ASCC3: variants seen among roughly 807,000 people sequenced by gnomAD.
ASCC3 encodes activating signal cointegrator 1 complex subunit 3.
ASCC3 carries 158 observed loss-of-function variants against 256.3 expected under a neutral mutation model. That is an observed-to-expected ratio of 0.62 (90% confidence interval 0.54 to 0.70). ASCC3 has a LOEUF of 0.70. ASCC3 is among the 30% of genes least tolerant of loss of function. The probability of loss-of-function intolerance (pLI) is 0.00; values close to 1 mark genes in which losing one functional copy is unlikely to be tolerated. For synonymous variants in ASCC3, 948 were observed against 883.4 expected (o/e 1.07, Z -1.30); for missense variants, 2,259 against 2,626.0 (o/e 0.86, Z 3.05).
intron 13 of ASCC3, among the ~76,000 whole-genome samples, chr6:100,701,689 A>G (rs564180910): frequency 6.6e-6 from 1 of 152,282 alleles, no homozygotes; most frequent in East Asian, 1.9e-4. Context: ...CAAAAAATGT[A>G]AAACTATAGC....
At chr6:100,707,537 C>A (rs1169156501) in intron 13 of ASCC3, among the ~76,000 whole-genome samples, 2 of 151,918 alleles carry the variant, frequency 1.3e-5, no homozygotes, top group Admixed American at 6.6e-5. Context: ...TAAACTATTT[C>A]TTTATTCAGT....
chr6:100,604,805 T>C (rs1421636286), intron 33 of ASCC3, among the ~76,000 whole-genome samples: 1 of 152,032 alleles, frequency 6.6e-6, no homozygotes, highest in Non-Finnish European at 1.5e-5. Context: ...GAACCAACAA[T>C]TATATACAGG....
intron 38 of ASCC3, 21 bp downstream of exon 38, chr6:100,517,970 A>G: frequency 1.2e-6 from 2 of 1,610,582 alleles, no homozygotes; most frequent in African/African-American, 2.7e-5. Flanking sequence ...AAACAATTAC[A>G]TTGAAAAGTA....
intron 14 of ASCC3, among the ~76,000 whole-genome samples, chr6:100,677,403 T>A (rs1252819668): frequency 6.6e-6 from 1 of 152,100 alleles, no homozygotes; most frequent in East Asian, 1.9e-4. Flanking sequence ...TCTGTTTGCT[T>A]TTGAACAAAT....
intron 13 of ASCC3, among the ~76,000 whole-genome samples, chr6:100,680,646 T>C (rs1247138525): frequency 6.6e-6 from 1 of 152,224 alleles, no homozygotes; most frequent in East Asian, 1.9e-4. Flanking sequence ...AATCTAAAGA[T>C]AGTATGTGTG....
At chr6:100,578,922 C>T (rs183499188) in intron 36 of ASCC3, among the ~76,000 whole-genome samples, 30 of 152,170 alleles carry the variant, frequency 2.0e-4, no homozygotes, top group African/African-American at 6.5e-4. Context: ...CTTTCCACAA[C>T]GACTGATTTA....
intron 36 of ASCC3, among the ~76,000 whole-genome samples, chr6:100,564,359 C>T (rs955350341): frequency 6.6e-6 from 1 of 152,078 alleles, no homozygotes; most frequent in African/African-American, 2.4e-5. Flanking sequence ...TCTTCATCCC[C>T]CATACTCCCA....
intron 24 of ASCC3, among the ~76,000 whole-genome samples, chr6:100,639,033 T>TG (rs1305899099): frequency 3.3e-5 from 5 of 152,350 alleles, no homozygotes; most frequent in Admixed American, 1.3e-4. Context: ...GATGCTTTTC[T>TG]GGGGGAGTGC....
intron 10 of ASCC3, among the ~76,000 whole-genome samples, chr6:100,729,207 TA>T (rs761268524): frequency 3.0e-4 from 45 of 151,572 alleles, no homozygotes; most frequent in Non-Finnish European, 6.2e-4. Flanking sequence ...AGGGGGTAAA[TA>T]AGAGAGGGAG....
At chr6:100,685,316 C>T (rs1431530685) in intron 13 of ASCC3, among the ~76,000 whole-genome samples, 1 of 152,148 alleles carries the variant, frequency 6.6e-6, no homozygotes, top group African/African-American at 2.4e-5. Flanking sequence ...TTTATGTTTT[C>T]ATTCTAGCCA....
At chr6:100,536,149 G>C (rs115063468) in intron 37 of ASCC3, among the ~76,000 whole-genome samples, 1 of 152,130 alleles carries the variant, frequency 6.6e-6, no homozygotes. Context: ...GCAAGAGTAA[G>C]GGCTAGTAAT....
chr6:100,871,815 G>A (rs1038117772), intron 1 of ASCC3, among the ~76,000 whole-genome samples: 2 of 152,144 alleles, frequency 1.3e-5, no homozygotes, highest in African/African-American at 4.8e-5. Flanking sequence ...GGGTCTGTAA[G>A]AGAATACAAC....
rs989515060 is a variant in ASCC3, at chr6:100,622,056, C to CG, written c.4785+3135dup. On this transcript the variant is annotated intron_variant, in intron 30 of 41. Transcript: ENST00000369162. ...TGAAAAATGAGAACACATGGACATA[C>CG]GGGGGGAACTACACTGGGGCCTGTT... Among the ~76,000 whole-genome samples, 4 of 151,964 alleles carry CG rather than the reference C, an allele frequency of 2.6e-5. No individual in the cohort carries two copies. In the East Asian group the frequency reaches 7.8e-4, roughly 30 times the overall value.
At chr6:100,740,479 G>A (rs1780382944) in intron 10 of ASCC3, among the ~76,000 whole-genome samples, 1 of 152,146 alleles carries the variant, frequency 6.6e-6, no homozygotes, top group Non-Finnish European at 1.5e-5. Context: ...GGCAGGTCAT[G>A]AATATCTTTG....
chr6:100,617,927 G>A (rs1773752173), intron 30 of ASCC3, among the ~76,000 whole-genome samples: 1 of 152,150 alleles, frequency 6.6e-6, no homozygotes, highest in Admixed American at 6.5e-5. Context: ...CCATGCTGAT[G>A]CATCCATGTT....
Position 100,628,999 on chromosome 6 carries a change from A to G in ASCC3, c.4375+16T>C. 1.9e-6 allele frequency: 3 copies of G among 1,609,068 alleles called. No individual in the cohort carries two copies. The highest frequency in any genetic ancestry group is 2.5e-6 in the Non-Finnish European group (3 of 1,177,576). Reference sequence around the variant, plus strand: ...GTTAAAGTTTGTAAACTGGCTTTAGATACAGTGGTACCTACCAAGCAGATG... The same window carrying G: ...GTTAAAGTTTGTAAACTGGCTTTAGGTACAGTGGTACCTACCAAGCAGATG... On this transcript the variant is annotated intron_variant, in intron 27 of 41. Coordinates refer to ENST00000369162, the MANE Select transcript of ASCC3 (RefSeq NM_006828.4).
chr6:100,859,443 G>A (rs904824416), intron 3 of ASCC3, among the ~76,000 whole-genome samples: 1 of 152,002 alleles, frequency 6.6e-6, no homozygotes, highest in Non-Finnish European at 1.5e-5. Context: ...CAAAATAACT[G>A]TCACAAATAC....
Position 100,510,038 on chromosome 6 carries a change from A to G in ASCC3, c.6355T>C (p.Leu2119=), listed in dbSNP as rs1343597749. 1.2e-6 allele frequency: 2 copies of G among 1,614,182 alleles called. No individual in the cohort carries two copies. Among genetic ancestry groups the G allele is most frequent in the Middle Eastern group, 1.6e-4 (1 of 6,062 alleles). Residue 2119 remains leucine (L), a synonymous_variant, in exon 41 of 42, where the codon TTA becomes CTA. Coordinates refer to ENST00000369162, the MANE Select transcript of ASCC3 (RefSeq NM_006828.4). ...KSKDEGWFLI[L]GEVDKRELIA... is the part of the protein sequence containing the mutation. ...AGTTCTCTCTTATCCACTTCTCCTA[A>G]TATCAAAAACCATCCTTCGTCTTTT...
intron 3 of ASCC3, among the ~76,000 whole-genome samples, chr6:100,851,749 C>T (rs187842670): frequency 7.3e-4 from 111 of 152,270 alleles, no homozygotes; most frequent in African/African-American, 2.6e-3. Context: ...AACAGAGAAT[C>T]TCTATATGCC....
Sources: allele counts gnomAD v4.1 joint callset (sites outside exome capture counted in the v4.1 genomes callset), GRCh38; gene constraint gnomAD v4.1.1; transcripts MANE v1.5; gene names NCBI Gene and HGNC (gene_info 2026-07-23, HGNC 2026-07-21).